Variants in CLN3 observed in about 807,000 individuals in gnomAD.
CLN3 encodes battenin.
A neutral mutation model predicts 60.7 loss-of-function variants in CLN3; 49 were observed. The observed-to-expected ratio is 0.81, with a 90% CI of 0.64 to 1.02. The LOEUF (loss-of-function observed/expected upper bound fraction) is 1.02, where lower values mean the gene tolerates loss of function less well. CLN3 is among the 50% of genes least tolerant of loss of function. CLN3 has a pLI of 0.00. For missense variants in CLN3, 516 were observed against 557.4 expected (o/e 0.93, Z 0.75); for synonymous variants, 256 against 245.8 (o/e 1.04, Z -0.39).
intron 9 of CLN3, 116 bp from the exon 10 acceptor site, chr16:28,484,234 G>C (rs956466679): frequency 2.7e-6 from 2 of 752,452 alleles, no homozygotes; most frequent in African/African-American, 3.4e-5. Flanking sequence ...TTCAAAGATG[G>C]GTAGCTCACT....
intron 3 of CLN3, among the ~76,000 whole-genome samples, chr16:28,489,722 G>A (rs2046280738): frequency 6.6e-6 from 1 of 152,048 alleles, no homozygotes; most frequent in African/African-American, 2.4e-5. Flanking sequence ...CTGCACTCTA[G>A]CCTGGGTGAC....
At position 28,477,546 on chromosome 16, in the gene CLN3, A is replaced by T. The variant is rs1361746971; in HGVS notation, c.1287T>A (p.Pro429=). 1 of 1,613,774 alleles carries T rather than the reference A, an allele frequency of 6.2e-7. No homozygotes were observed. Among genetic ancestry groups the T allele is most frequent in the Non-Finnish European group, 8.5e-7 (1 of 1,180,048 alleles). ...GISLSGLLAL[P]LHDFLCQLS is the part of the protein sequence containing the mutation. ...AGAGCTGGCAGAGGAAGTCATGCAGAGGCAAAGCCAGGAGCCCCGACAGGG... is the reference window on the plus strand; with the variant it reads ...AGAGCTGGCAGAGGAAGTCATGCAGTGGCAAAGCCAGGAGCCCCGACAGGG... The change falls in exon 16 of 16, where the codon CCT becomes CCA. Residue 429 remains proline (P), a synonymous_variant. Transcript: ENST00000636147.
Position 28,477,477 on chromosome 16 carries a change from C to T in CLN3, c.*39G>A. ...TGGGTGTCTGACCTGTCCCTCTGCCCACAGGTGAATGTGACCTGCGTCCTG... is the reference window on the plus strand; with the variant it reads ...TGGGTGTCTGACCTGTCCCTCTGCCTACAGGTGAATGTGACCTGCGTCCTG... On this transcript the variant is annotated 3_prime_UTR_variant, in exon 16 of 16. Transcript: ENST00000636147. 6.2e-7 allele frequency: 1 copy of T among 1,611,644 alleles called. No homozygotes were observed. The highest frequency in any genetic ancestry group is 8.5e-7 in the Non-Finnish European group (1 of 1,179,908).
downstream of CLN3, chr16:28,476,944 C>T: frequency 5.8e-6 from 1 of 172,086 alleles, no homozygotes; most frequent in Admixed American, 5.5e-5. Context: ...TGAGACCAGC[C>T]TGGCCAACAT....
intron 10 of CLN3, among the ~76,000 whole-genome samples, 171 bp downstream of exon 10, chr16:28,483,835 G>T (rs1003162368): frequency 3.3e-5 from 5 of 150,122 alleles, no homozygotes; most frequent in Non-Finnish European, 5.9e-5. Context: ...GGATATTACA[G>T]GCGTGAGCCA....
At position 28,486,431 on chromosome 16, in the gene CLN3, G is replaced by A; in HGVS notation, c.593C>T (p.Ser198Phe). 2 of 1,613,470 alleles carry A rather than the reference G, an allele frequency of 1.2e-6. No homozygotes were observed. Among genetic ancestry groups the A allele is most frequent in the East Asian group, 2.2e-5 (1 of 44,878 alleles). Reference protein sequence around the residue: ...TGGAGLLGALSYLGLTQAGLS... With the variant: ...TGGAGLLGALFYLGLTQAGLS... ...GCCGGCCTGGGTGAGGCCCAGGTAGGACAGGGCCCCCAGCAGCCCAGCTCC... is the reference window on the plus strand; with the variant it reads ...GCCGGCCTGGGTGAGGCCCAGGTAGAACAGGGCCCCCAGCAGCCCAGCTCC... Residue 198 changes from serine to phenylalanine, a missense_variant, in exon 9 of 16, where the codon TCC becomes TTC. Physicochemically the swap from Ser to Phe is radical, Grantham distance 155. Transcript: ENST00000636147.
downstream of CLN3, among the ~76,000 whole-genome samples, chr16:28,473,366 G>A (rs555975543): frequency 1.3e-5 from 2 of 152,210 alleles, no homozygotes; most frequent in East Asian, 1.9e-4. Flanking sequence ...TTATAGGCAT[G>A]AGCCACCACG....
At chr16:28,481,205 G>A (rs1203155724) in intron 14 of CLN3, among the ~76,000 whole-genome samples, 1 of 151,952 alleles carries the variant, frequency 6.6e-6, no homozygotes. Flanking sequence ...TGACCTCATG[G>A]GTTCAAGTGA....
At chr16:28,491,199 C>G in intron 3 of CLN3, 6 of 466,280 alleles carry the variant, frequency 1.3e-5, no homozygotes, top group Non-Finnish European at 7.6e-6. Context: ...TTAAAGTTTT[C>G]TTTTTAAAAA....
chr16:28,486,433 C>T lies in CLN3; in HGVS notation c.591G>A (p.Leu197=), dbSNP rs764082661. Residue 197 remains leucine, a synonymous_variant, in exon 9 of 16, where the codon CTG becomes CTA. Transcript: ENST00000636147. ...GTGGAGLLGA[L]SYLGLTQAGL... ...CGGCCTGGGTGAGGCCCAGGTAGGACAGGGCCCCCAGCAGCCCAGCTCCCC... is the reference window on the plus strand; with the variant it reads ...CGGCCTGGGTGAGGCCCAGGTAGGATAGGGCCCCCAGCAGCCCAGCTCCCC... 1.4e-5 allele frequency: 22 copies of T among 1,613,304 alleles called. No individual in the cohort carries two copies. The Admixed American group carries it at 2.2e-4, about 16-fold the overall frequency.
At chr16:28,472,793 T>G (rs2045961893), downstream of CLN3, among the ~76,000 whole-genome samples, 2 of 130,614 alleles carry the variant, frequency 1.5e-5, no homozygotes, top group Non-Finnish European at 3.2e-5. Flanking sequence ...AGAATGAAAC[T>G]CTGTTTCAAA....
At chr16:28,489,488 CT>C in intron 3 of CLN3, 102 bp from the exon 4 acceptor site, 12 of 809,196 alleles carry the variant, frequency 1.5e-5, no homozygotes, top group Non-Finnish European at 2.3e-5. Context: ...TCAGCCCCCT[CT>C]TTTTTTTCCC....
At position 28,489,742 on chromosome 16, in the gene CLN3, C is replaced by T. The variant is rs368256174; in HGVS notation, c.126-356G>A. ...CTCTAGCCTGGGTGACAGAGCAAGA[C>T]CCTGTCACAAAAATAAAAAATAAAA... On this transcript the variant is annotated intron_variant, in intron 3 of 15. Coordinates refer to ENST00000636147, the MANE Select transcript of CLN3 (RefSeq NM_001042432.2). 1.1e-3 allele frequency among the ~76,000 whole-genome samples: 162 copies of T among 151,792 alleles called. 4 individuals are homozygous for T. In the South Asian group the frequency reaches 0.033, roughly 31 times the overall value.
intron 9 of CLN3, chr16:28,484,439 C>T (rs747251172): frequency 3.2e-6 from 1 of 312,722 alleles, no homozygotes; most frequent in Non-Finnish European, 6.2e-6. Context: ...GCCGCGACCT[C>T]CCAGGCTCAA....
In CLN3 at chr16:28,482,182, G is replaced by A. The variant is rs386833743; in HGVS notation, c.979C>T (p.Gln327Ter). Residue 327 changes from glutamine to a stop codon, truncating the protein, a stop_gained, in exon 14 of 16, where the codon CAG becomes TAG. Coordinates refer to ENST00000636147, the MANE Select transcript of CLN3 (RefSeq NM_001042432.2). LOFTEE classifies it high-confidence loss of function. Reference protein sequence around the residue: ...QQYRWYQMLYQAGVFASRSSL... With the variant: ...QQYRWYQMLY ...GAGCGGGAGGCAAAGACGCCAGCCT[G>A]GTACAGCATCTGGTACCTGAGGTTA... 1 of 1,613,430 alleles carries A rather than the reference G, an allele frequency of 6.2e-7. No homozygotes were observed. The highest frequency in any genetic ancestry group is 8.5e-7 in the Non-Finnish European group (1 of 1,179,784).
rs370020452 is a variant in CLN3 at position 28,488,641 on chromosome 16, T to A, written c.244A>T (p.Ile82Phe). The change falls in exon 5 of 16, where the codon ATC becomes TTC. Residue 82 changes from isoleucine (I) to phenylalanine (F), a missense_variant. Physicochemically the swap from Ile to Phe is conservative, Grantham distance 21 (BLOSUM62 0). Coordinates refer to ENST00000636147, the MANE Select transcript of CLN3 (RefSeq NM_001042432.2). ...AATCGTGATGAGCTGTTGTGGGGGA[T>A]CGGCGTTGGGCCTGGGTCCACCTAA... ...QSHVDPGPTP[I>F]PHNSSSRFDC... The A allele has an allele frequency of 5.0e-6, 8 of 1,613,974 alleles. No individual in the cohort carries two copies. The African/African-American group carries it at 1.1e-4, about 22-fold the overall frequency.
At chr16:28,489,178 A>AG (rs2046271147) in intron 4 of CLN3, 112 bp downstream of exon 4, 1 of 816,622 alleles carries the variant, frequency 1.2e-6, no homozygotes, top group Non-Finnish European at 2.1e-6. Flanking sequence ...CTGGGATTAC[A>AG]GGTGTGAGCC....
intron 14 of CLN3, among the ~76,000 whole-genome samples, chr16:28,478,508 C>T (rs559419832): frequency 3.7e-4 from 55 of 148,254 alleles, no homozygotes; most frequent in African/African-American, 9.8e-4. Context: ...CCCAGCTACT[C>T]GGGAGTCTGA....
Position 28,483,992 on chromosome 16 carries a change from T to C in CLN3, c.790+14A>G. 6.3e-7 allele frequency: 1 copy of C among 1,585,920 alleles called. No individual in the cohort carries two copies. Among genetic ancestry groups the C allele is most frequent in the Non-Finnish European group, 8.6e-7 (1 of 1,161,798 alleles). On this transcript the variant is annotated intron_variant, in intron 10 of 15. Transcript: ENST00000636147. ...AGAAAGAAAGTGACCTCTCTGAGGGTCTGTGTCTCCTACCTGGCTTCGACT... is the reference window on the plus strand; with the variant it reads ...AGAAAGAAAGTGACCTCTCTGAGGGCCTGTGTCTCCTACCTGGCTTCGACT...
Sources: gnomAD v4.1 joint callset for allele counts (sites outside exome capture counted in the v4.1 genomes callset) on GRCh38, gnomAD v4.1.1 for gene constraint, MANE v1.5 for transcripts, NCBI Gene and HGNC (gene_info 2026-07-23, HGNC 2026-07-21) for gene names.